The following ARHGAP42 variants were observed in gnomAD, a reference collection of about 807,000 sequenced individuals.
ARHGAP42 encodes the protein Rho GTPase activating protein 42, also known as rho GTPase-activating protein 42.
ARHGAP42 carries 63 observed loss-of-function variants against 125.0 expected under a neutral mutation model. The ratio of observed to expected loss-of-function variants is 0.50; its 90% CI spans 0.41 to 0.62. ARHGAP42 has a LOEUF of 0.62. Among genes scored for constraint, ARHGAP42 ranks in the 20% least tolerant of loss-of-function variants. ARHGAP42 has a pLI of 0.00. For missense variants in ARHGAP42, 766 were observed against 1,024.2 expected (o/e 0.75, Z 3.44); for synonymous variants, 339 against 351.0 (o/e 0.97, Z 0.38).
chr11:100,945,460 T>G (rs1456383850), intron 10 of ARHGAP42, among the ~76,000 whole-genome samples: 1 of 152,116 alleles, frequency 6.6e-6, no homozygotes, highest in Non-Finnish European at 1.5e-5. Context: ...CCAGATCCAT[T>G]AGAGGAATCA....
chr11:100,963,087 A>G (rs1225864010), intron 16 of ARHGAP42, among the ~76,000 whole-genome samples: 1 of 152,214 alleles, frequency 6.6e-6, no homozygotes, highest in African/African-American at 2.4e-5. Context: ...TTTAAGAGCA[A>G]CTAAGCAGGA....
intron 3 of ARHGAP42, among the ~76,000 whole-genome samples, chr11:100,795,676 A>T (rs1251995230): frequency 6.6e-6 from 1 of 152,356 alleles, no homozygotes; most frequent in East Asian, 1.9e-4. Flanking sequence ...AAGGTATTAG[A>T]GCATAGTTAT....
intron 1 of ARHGAP42, among the ~76,000 whole-genome samples, chr11:100,698,385 C>G (rs1466959980): frequency 6.6e-6 from 1 of 152,174 alleles, no homozygotes; most frequent in Non-Finnish European, 1.5e-5. Context: ...GCAAGAGGAT[C>G]ACTTGAGCCC....
chr11:100,805,645 T>G (rs1863970609), intron 3 of ARHGAP42, among the ~76,000 whole-genome samples: 1 of 152,180 alleles, frequency 6.6e-6, no homozygotes, highest in African/African-American at 2.4e-5. Context: ...TACTTCTTGA[T>G]TATATGCTAA....
rs1355436907 is a variant in ARHGAP42, at chr11:100,814,373, AAAAAAG to A, written c.312+19212_312+19217del. On this transcript the variant is annotated intron_variant, in intron 3 of 23. Transcript: ENST00000298815. ...CAAGACTCCGTCTCAAAAAAAAAAA[AAAAAAG>A]AAAAGAAAAGAAAATAGCAGAACAA... Among the ~76,000 whole-genome samples the A allele has an allele frequency of 7.9e-5, 12 of 152,096 alleles. No homozygotes were observed. In the East Asian group the frequency reaches 1.4e-3, roughly 17 times the overall value.
intron 4 of ARHGAP42, among the ~76,000 whole-genome samples, chr11:100,881,473 G>A (rs187076842): frequency 4.6e-5 from 7 of 152,274 alleles, no homozygotes; most frequent in Non-Finnish European, 7.4e-5. Flanking sequence ...CTGTTTTGGT[G>A]ACTATGGCCT....
At chr11:100,914,574 GT>G (rs1229037070) in intron 5 of ARHGAP42, among the ~76,000 whole-genome samples, 3 of 152,030 alleles carry the variant, frequency 2.0e-5, no homozygotes, top group Non-Finnish European at 2.9e-5. Flanking sequence ...CCGCCTCCTG[GT>G]GTACTCTGAA....
At chr11:100,765,251 A>G (rs1407787720) in intron 1 of ARHGAP42, among the ~76,000 whole-genome samples, 2 of 152,198 alleles carry the variant, frequency 1.3e-5, no homozygotes, top group African/African-American at 4.8e-5. Context: ...ACATCTTTCA[A>G]GTCCCTGTTC....
Position 100,976,457 on chromosome 11 carries a change from G to T in ARHGAP42, c.2236+20G>T. On this transcript the variant is annotated intron_variant, in intron 20 of 23. Coordinates refer to ENST00000298815, the MANE Select transcript of ARHGAP42 (RefSeq NM_152432.4). ...CTGAAGGTAAGGCAGAGTGGAACTT[G>T]TGCAAGATGTCATTGTCTCAGTGTC... The T allele has an allele frequency of 6.7e-7, 1 of 1,497,022 alleles. No individual in the cohort carries two copies. Among genetic ancestry groups the T allele is most frequent in the Non-Finnish European group, 8.9e-7 (1 of 1,125,220 alleles). 92.7% of individuals were successfully genotyped at this position (1,497,022 alleles called of 1,614,324 possible).
At chr11:100,862,538 C>G (rs74958933) in intron 4 of ARHGAP42, among the ~76,000 whole-genome samples, 1 of 152,260 alleles carries the variant, frequency 6.6e-6, no homozygotes, top group East Asian at 1.9e-4. Flanking sequence ...GAACACCCGA[C>G]AGTATACTAT....
intron 3 of ARHGAP42, among the ~76,000 whole-genome samples, chr11:100,828,151 A>G (rs1471712816): frequency 6.9e-6 from 1 of 145,384 alleles, no homozygotes; most frequent in Non-Finnish European, 1.5e-5. Flanking sequence ...TCAGTCCTCC[A>G]AGTGGTCTCA....
At chr11:100,867,036 G>C (rs1865585535) in intron 4 of ARHGAP42, among the ~76,000 whole-genome samples, 1 of 152,072 alleles carries the variant, frequency 6.6e-6, no homozygotes, top group African/African-American at 2.4e-5. Flanking sequence ...GATCTCAAGA[G>C]GGCACTTAAA....
intron 1 of ARHGAP42, among the ~76,000 whole-genome samples, chr11:100,707,122 G>A (rs1023590462): frequency 4.6e-5 from 7 of 152,156 alleles, no homozygotes; most frequent in Non-Finnish European, 1.0e-4. Flanking sequence ...ATATATGAAT[G>A]CACCAAATTT....
At chr11:100,879,076 T>C (rs1416335546) in intron 4 of ARHGAP42, among the ~76,000 whole-genome samples, 2 of 151,784 alleles carry the variant, frequency 1.3e-5, no homozygotes, top group Non-Finnish European at 2.9e-5. Flanking sequence ...TAATAATGCC[T>C]CAAAAAAATA....
At chr11:100,703,174 T>C (rs938021915) in intron 1 of ARHGAP42, among the ~76,000 whole-genome samples, 3 of 152,202 alleles carry the variant, frequency 2.0e-5, no homozygotes, top group Non-Finnish European at 4.4e-5. Flanking sequence ...TTCTCTGGGC[T>C]AACTTCTCAG....
At chr11:100,717,448 TA>T (rs916936497) in intron 1 of ARHGAP42, among the ~76,000 whole-genome samples, 11 of 151,970 alleles carry the variant, frequency 7.2e-5, no homozygotes, top group Admixed American at 3.3e-4. Context: ...TCATCCTGGC[TA>T]ACACAGTGAA....
At chr11:100,705,479 C>G (rs1861468640) in intron 1 of ARHGAP42, among the ~76,000 whole-genome samples, 3 of 152,066 alleles carry the variant, frequency 2.0e-5, no homozygotes. Flanking sequence ...AATATGGGAG[C>G]AATATTTACT....
chr11:100,743,013 A>T (rs1302815035), intron 1 of ARHGAP42, among the ~76,000 whole-genome samples: 1 of 152,120 alleles, frequency 6.6e-6, no homozygotes, highest in African/African-American at 2.4e-5. Flanking sequence ...TGTGTGATTT[A>T]TATTCATTCT....
chr11:100,740,395 A>G (rs1476216957), intron 1 of ARHGAP42, among the ~76,000 whole-genome samples: 1 of 152,208 alleles, frequency 6.6e-6, no homozygotes, highest in Non-Finnish European at 1.5e-5. Flanking sequence ...AGTGAGCACT[A>G]GCGTTCTTTT....
Sources: allele counts gnomAD v4.1 joint callset (sites outside exome capture counted in the v4.1 genomes callset), GRCh38; gene constraint gnomAD v4.1.1; transcripts MANE v1.5; gene names NCBI Gene and HGNC (gene_info 2026-07-23, HGNC 2026-07-21).